The following CNTN5 variants were observed in gnomAD, a reference collection of about 807,000 sequenced individuals.
The protein encoded by CNTN5 is contactin 5.
A neutral mutation model predicts 129.1 loss-of-function variants in CNTN5; 77 were observed. That is an observed-to-expected ratio of 0.60 (90% CI 0.50 to 0.72). CNTN5 has a LOEUF of 0.72. Ranked by LOEUF, CNTN5 falls within the 30% of genes least tolerant of loss-of-function variation. The pLI is 0.00. For synonymous variants in CNTN5, 509 were observed against 465.6 expected (o/e 1.09, Z -1.20); for missense variants, 1,478 against 1,328.8 (o/e 1.11, Z -1.75).
chr11:99,679,691 G>A (rs981520916), intron 3 of CNTN5, among the ~76,000 whole-genome samples: 2 of 152,068 alleles, frequency 1.3e-5, no homozygotes, highest in Non-Finnish European at 2.9e-5. Context: ...GAACCCTACC[G>A]TGGCCTCTAA....
intron 1 of CNTN5, among the ~76,000 whole-genome samples, chr11:99,299,402 A>C (rs1390980655): frequency 6.6e-6 from 1 of 151,988 alleles, no homozygotes; most frequent in East Asian, 1.9e-4. Context: ...GTATATTAAC[A>C]AAAAAAATTA....
At chr11:99,802,039 C>T (rs1437765720) in intron 3 of CNTN5, among the ~76,000 whole-genome samples, 1 of 152,190 alleles carries the variant, frequency 6.6e-6, no homozygotes, top group Non-Finnish European at 1.5e-5. Context: ...AGGGTTTTCT[C>T]TTCGTTTTCC....
intron 2 of CNTN5, among the ~76,000 whole-genome samples, chr11:99,508,997 TA>T (rs879746068): frequency 5.3e-5 from 8 of 151,980 alleles, no homozygotes; most frequent in South Asian, 2.1e-4. Flanking sequence ...ATAAATTTTA[TA>T]AATAAATACA....
chr11:100,177,758 A>G (rs1031532249), intron 13 of CNTN5, among the ~76,000 whole-genome samples: 2 of 152,152 alleles, frequency 1.3e-5, no homozygotes, highest in Non-Finnish European at 2.9e-5. Flanking sequence ...AGTTCTGTTC[A>G]GTGTTAAATT....
chr11:100,020,029 ATAT>A (rs765000951), intron 9 of CNTN5, among the ~76,000 whole-genome samples: 1 of 151,810 alleles, frequency 6.6e-6, no homozygotes, highest in African/African-American at 2.4e-5. Flanking sequence ...TATGTTTTGG[ATAT>A]TAAATCTTTA....
intron 2 of CNTN5, among the ~76,000 whole-genome samples, chr11:99,371,634 A>T (rs377196136): frequency 1.3e-5 from 2 of 152,162 alleles, no homozygotes; most frequent in Non-Finnish European, 2.9e-5. Flanking sequence ...AGGAGAAAAA[A>T]AAATATTACT....
At chr11:99,517,109 C>T (rs76065947) in intron 2 of CNTN5, among the ~76,000 whole-genome samples, 10,022 of 152,098 alleles carry the variant, frequency 0.066, 363 homozygotes, top group African/African-American at 0.098. Context: ...TTACAACACC[C>T]TATAGACAGG....
At chr11:100,156,041 T>C (rs1036274646) in intron 13 of CNTN5, among the ~76,000 whole-genome samples, 6 of 152,106 alleles carry the variant, frequency 3.9e-5, no homozygotes, top group African/African-American at 1.4e-4. Context: ...CAATACTATG[T>C]TGAGTAGGAA....
intron 6 of CNTN5, among the ~76,000 whole-genome samples, chr11:99,889,902 C>T (rs1949013261): frequency 1.3e-5 from 2 of 152,170 alleles, no homozygotes; most frequent in Admixed American, 1.3e-4. Context: ...CAGAAAATAA[C>T]TTATCTAAAA....
intron 7 of CNTN5, among the ~76,000 whole-genome samples, chr11:99,948,035 GAA>G (rs1300697812): frequency 5.3e-5 from 8 of 152,114 alleles, no homozygotes; most frequent in Non-Finnish European, 1.2e-4. Flanking sequence ...AGGAATATAA[GAA>G]AACTTTATTT....
At chr11:99,097,057 T>C (rs963374048) in intron 1 of CNTN5, among the ~76,000 whole-genome samples, 1 of 151,896 alleles carries the variant, frequency 6.6e-6, no homozygotes, top group Non-Finnish European at 1.5e-5. Context: ...TTGCAAGTAA[T>C]GTGTCTGTGT....
rs1381330 is a variant in CNTN5, at chr11:99,332,719, A to G, written c.-71+7235A>G. 0.025 allele frequency among the ~76,000 whole-genome samples: 3,783 copies of G among 152,168 alleles called. 334 individuals are homozygous for G. The East Asian group carries it at 0.25, about 10-fold the overall frequency. ...CTTCAAGTGATGATCTATTATCATCAGTGACAAGATGTCAAAATTAGGAAG... is the reference window on the plus strand; with the variant it reads ...CTTCAAGTGATGATCTATTATCATCGGTGACAAGATGTCAAAATTAGGAAG... On this transcript the variant is annotated intron_variant, in intron 2 of 24. Coordinates refer to ENST00000524871, the MANE Select transcript of CNTN5 (RefSeq NM_014361.4).
At chr11:99,809,650 C>G (rs528514059) in intron 3 of CNTN5, among the ~76,000 whole-genome samples, 23 of 152,036 alleles carry the variant, frequency 1.5e-4, no homozygotes, top group Non-Finnish European at 2.8e-4. Context: ...AAACACTGAA[C>G]TTGATACTGA....
intron 1 of CNTN5, among the ~76,000 whole-genome samples, chr11:99,297,818 A>G (rs950375011): frequency 1.3e-5 from 2 of 152,114 alleles, no homozygotes; most frequent in African/African-American, 4.8e-5. Flanking sequence ...TCAAAAGACA[A>G]ATTTTATAAC....
intron 16 of CNTN5, among the ~76,000 whole-genome samples, chr11:100,234,372 T>C (rs1387707896): frequency 1.3e-5 from 2 of 152,122 alleles, no homozygotes; most frequent in Non-Finnish European, 2.9e-5. Context: ...CTAGTCACAA[T>C]TGCAAAGACT....
At chr11:99,816,942 A>C (rs1946606703) in intron 3 of CNTN5, among the ~76,000 whole-genome samples, 1 of 152,150 alleles carries the variant, frequency 6.6e-6, no homozygotes, top group Non-Finnish European at 1.5e-5. Context: ...GACTTGACTG[A>C]GCTAATCACT....
At chr11:99,543,910 G>T (rs1208657628) in intron 2 of CNTN5, among the ~76,000 whole-genome samples, 6 of 90,838 alleles carry the variant, frequency 6.6e-5, no homozygotes, top group Admixed American at 3.9e-4. Context: ...AACAGAGAGA[G>T]TCTGTCTCAA....
chr11:99,682,934 G>A (rs1953623881), intron 3 of CNTN5, among the ~76,000 whole-genome samples: 1 of 151,822 alleles, frequency 6.6e-6, no homozygotes, highest in African/African-American at 2.4e-5. Flanking sequence ...CACACATACA[G>A]AACATAAACT....
chr11:99,527,565 C>A (rs970487863), intron 2 of CNTN5, among the ~76,000 whole-genome samples: 3 of 152,056 alleles, frequency 2.0e-5, no homozygotes, highest in African/African-American at 7.2e-5. Flanking sequence ...CAACTTCTCC[C>A]TTTTTCTGCA....
Sources: allele counts gnomAD v4.1 joint callset (sites outside exome capture counted in the v4.1 genomes callset), GRCh38; gene constraint gnomAD v4.1.1; transcripts MANE v1.5; gene names NCBI Gene and HGNC (gene_info 2026-07-23, HGNC 2026-07-21).